SPAG16: variants seen among roughly 807,000 people sequenced by gnomAD.
SPAG16 encodes sperm associated antigen 16, also known as sperm-associated antigen 16 protein.
Under a neutral mutation model 80.4 loss-of-function variants are expected in SPAG16, and 86 were observed. The ratio of observed to expected loss-of-function variants is 1.07; its 90% confidence interval spans 0.90 to 1.28. The LOEUF (loss-of-function observed/expected upper bound fraction) is 1.28, where lower values mean the gene tolerates loss of function less well. SPAG16 is among the 50% of genes most tolerant of loss of function. The probability of loss-of-function intolerance (pLI) is 0.00; values close to 1 mark genes in which losing one functional copy is unlikely to be tolerated. For missense variants in SPAG16, 870 were observed against 765.3 expected, an observed-to-expected ratio of 1.14 and a Z score of -1.61; for synonymous variants, 294 against 265.9, an observed-to-expected ratio of 1.11 and a Z score of -1.03.
At chr2:214,237,476 AATTTGTAAAGGGAACTGTG>A (rs1432822940) in intron 15 of SPAG16, among the ~76,000 whole-genome samples, 2 of 152,114 alleles carry the variant, frequency 1.3e-5, no homozygotes, top group Non-Finnish European at 2.9e-5. Flanking sequence ...TACATTACTG[AATTTGTAAAGGGAACTGTG>A]ATTTTTGTTT....
chr2:214,358,513 G>A lies in SPAG16; in HGVS notation c.1721-51627G>A, dbSNP rs922953302. On this transcript the variant is annotated intron_variant, in intron 15 of 15. Coordinates refer to ENST00000331683, the MANE Select transcript of SPAG16 (RefSeq NM_024532.5). Reference sequence around the variant, plus strand: ...TGTTATATGTTTTTTACTGGAAGGGGTTCTCTGGACATTTGGTTTATCATA... The same window carrying A: ...TGTTATATGTTTTTTACTGGAAGGGATTCTCTGGACATTTGGTTTATCATA... Among the ~76,000 whole-genome samples, 3 of 151,912 alleles carry A rather than the reference G, an allele frequency of 2.0e-5. No homozygotes were observed. In the East Asian group the frequency reaches 5.9e-4, roughly 30 times the overall value.
chr2:213,697,644 A>T (rs2065216437), intron 10 of SPAG16, among the ~76,000 whole-genome samples: 2 of 152,144 alleles, frequency 1.3e-5, no homozygotes, highest in South Asian at 4.1e-4. Context: ...TGACCTACAT[A>T]ACTGTAAGAT....
At chr2:214,309,998 C>T (rs1400296436) in intron 15 of SPAG16, among the ~76,000 whole-genome samples, 2 of 152,046 alleles carry the variant, frequency 1.3e-5, no homozygotes, top group African/African-American at 4.8e-5. Context: ...TCCTTATAGT[C>T]TATATTTCTA....
intron 10 of SPAG16, among the ~76,000 whole-genome samples, chr2:213,790,732 T>C (rs2070646369): frequency 6.6e-6 from 1 of 152,014 alleles, no homozygotes; most frequent in South Asian, 2.1e-4. Flanking sequence ...TGTATATGCA[T>C]AGAGGTAGAA....
chr2:213,600,112 T>G (rs1180764857), intron 10 of SPAG16, among the ~76,000 whole-genome samples: 1 of 148,002 alleles, frequency 6.8e-6, no homozygotes, highest in African/African-American at 2.5e-5. Flanking sequence ...ACTTAAAATT[T>G]TTTTCTCTTT....
rs76321821 is a variant in SPAG16 at position 213,820,919 on chromosome 2, A to G, written c.1071-41566A>G. ...TATTAAATGTGTACTAAGTTTGCCC[A>G]TTGGGCAAGGATCTGGGCATAAAAT... On this transcript the variant is annotated intron_variant, in intron 10 of 15. Coordinates refer to ENST00000331683, the MANE Select transcript of SPAG16 (RefSeq NM_024532.5). Among the ~76,000 whole-genome samples, 1,359 of 152,234 alleles carry G rather than the reference A, an allele frequency of 8.9e-3. 17 individuals are homozygous for G. The highest frequency in any genetic ancestry group is 0.031 in the African/African-American group (1,304 of 41,572).
At chr2:214,315,992 T>C (rs1695667724) in intron 15 of SPAG16, among the ~76,000 whole-genome samples, 1 of 152,302 alleles carries the variant, frequency 6.6e-6, no homozygotes, top group Non-Finnish European at 1.5e-5. Flanking sequence ...GAATATGCTG[T>C]CATTGATCTG....
chr2:213,924,318 G>A (rs760165464), intron 11 of SPAG16, among the ~76,000 whole-genome samples: 1 of 152,224 alleles, frequency 6.6e-6, no homozygotes, highest in Non-Finnish European at 1.5e-5. Flanking sequence ...CCTACTCCCA[G>A]TCTTGTACAG....
At chr2:213,375,609 G>A (rs566299549) in intron 9 of SPAG16, among the ~76,000 whole-genome samples, 2 of 152,000 alleles carry the variant, frequency 1.3e-5, no homozygotes, top group African/African-American at 4.8e-5. Flanking sequence ...AAAGAAAATG[G>A]TATTAAAAAT....
At chr2:213,855,893 A>G (rs899593354) in intron 10 of SPAG16, among the ~76,000 whole-genome samples, 3 of 152,242 alleles carry the variant, frequency 2.0e-5, no homozygotes, top group Admixed American at 6.5e-5. Flanking sequence ...GAGCCAAACC[A>G]TATCATTTTA....
At chr2:214,041,978 G>GTGTATATATA (rs1410396491) in intron 13 of SPAG16, among the ~76,000 whole-genome samples, 309 of 116,256 alleles carry the variant, frequency 2.7e-3, no homozygotes, top group African/African-American at 7.6e-3. Context: ...GTCTGTGTGT[G>GTGTATATATA]TATATATATA....
intron 10 of SPAG16, among the ~76,000 whole-genome samples, chr2:213,633,670 T>G (rs929595682): frequency 1.3e-5 from 2 of 152,180 alleles, no homozygotes; most frequent in African/African-American, 2.4e-5. Flanking sequence ...TCTCTTTAGC[T>G]CTAATAATAG....
At chr2:213,658,847 C>A (rs1328643723) in intron 10 of SPAG16, among the ~76,000 whole-genome samples, 2 of 152,130 alleles carry the variant, frequency 1.3e-5, no homozygotes, top group Admixed American at 6.5e-5. Flanking sequence ...ACCATCCTGG[C>A]CAACATGGTG....
intron 10 of SPAG16, among the ~76,000 whole-genome samples, chr2:213,530,591 T>C (rs1434149593): frequency 1.3e-5 from 2 of 152,206 alleles, no homozygotes; most frequent in Non-Finnish European, 2.9e-5. Context: ...GTTACTCTCT[T>C]GAACTGTTTC....
chr2:214,256,521 A>G (rs578240506), intron 15 of SPAG16, among the ~76,000 whole-genome samples: 2 of 151,906 alleles, frequency 1.3e-5, no homozygotes, highest in Non-Finnish European at 2.9e-5. Flanking sequence ...TAGTTTTAAT[A>G]TATTGATCTA....
intron 9 of SPAG16, among the ~76,000 whole-genome samples, chr2:213,481,458 C>T (rs2073744970): frequency 6.6e-6 from 1 of 152,034 alleles, no homozygotes; most frequent in Admixed American, 6.6e-5. Flanking sequence ...TTGTTATAAC[C>T]ATTTATCACA....
chr2:213,386,876 G>A (rs1169708642), intron 9 of SPAG16, among the ~76,000 whole-genome samples: 2 of 152,064 alleles, frequency 1.3e-5, no homozygotes, highest in African/African-American at 4.8e-5. Context: ...CATTTTACCT[G>A]TGGAATATAT....
intron 9 of SPAG16, among the ~76,000 whole-genome samples, chr2:213,417,876 A>AT (rs5838381): frequency 0.52 from 76,246 of 146,524 alleles, 20,738 homozygotes; most frequent in Middle Eastern, 0.69. Flanking sequence ...TTGTGTTTCA[A>AT]TTTTTTTTTT....
At chr2:213,402,367 T>C (rs560248854) in intron 9 of SPAG16, among the ~76,000 whole-genome samples, 4 of 152,064 alleles carry the variant, frequency 2.6e-5, no homozygotes, top group Non-Finnish European at 5.9e-5. Flanking sequence ...CTCTTTTACA[T>C]TGTTTATATT....
Sources: gnomAD v4.1 joint callset for allele counts (sites outside exome capture counted in the v4.1 genomes callset) on GRCh38, gnomAD v4.1.1 for gene constraint, MANE v1.5 for transcripts, NCBI Gene and HGNC (gene_info 2026-07-23, HGNC 2026-07-21) for gene names.